The following SUPT3H variants were observed in gnomAD, a reference collection of about 807,000 sequenced individuals.
SUPT3H encodes the protein transcription initiation protein SPT3 homolog.
Under a neutral mutation model 44.3 loss-of-function variants are expected in SUPT3H, and 44 were observed. That is an observed-to-expected ratio of 0.99 (90% CI 0.78 to 1.28). The LOEUF is 1.28. Ranked by LOEUF, SUPT3H falls within the 50% of genes most tolerant of loss-of-function variation. The pLI is 0.00. For synonymous variants in SUPT3H, 124 were observed against 125.6 expected (o/e 0.99, Z 0.09); for missense variants, 380 against 387.1 (o/e 0.98, Z 0.15).
At chr6:44,853,438 T>C (rs1218519774) in intron 10 of SUPT3H, among the ~76,000 whole-genome samples, 3 of 152,104 alleles carry the variant, frequency 2.0e-5, no homozygotes, top group South Asian at 2.1e-4. Flanking sequence ...TGCAGAAGGA[T>C]TGCTTGAGCC....
chr6:44,982,792 CAG>C (rs1197711159), intron 6 of SUPT3H, among the ~76,000 whole-genome samples: 1 of 152,024 alleles, frequency 6.6e-6, no homozygotes, highest in Admixed American at 6.6e-5. Context: ...ACTTTCATAA[CAG>C]AGAATGGAAA....
intron 2 of SUPT3H, among the ~76,000 whole-genome samples, chr6:45,296,230 A>G (rs1209742367): frequency 6.7e-5 from 10 of 148,658 alleles, no homozygotes; most frequent in Non-Finnish European, 1.4e-4. Flanking sequence ...ACACTACTCA[A>G]CCATAAAAAC....
intron 3 of SUPT3H, among the ~76,000 whole-genome samples, chr6:45,100,455 C>G (rs1798391153): frequency 6.8e-6 from 1 of 147,918 alleles, no homozygotes; most frequent in Non-Finnish European, 1.5e-5. Flanking sequence ...CACCTGTAAT[C>G]CCAGCTACTC....
intron 10 of SUPT3H, among the ~76,000 whole-genome samples, chr6:44,896,975 C>T (rs868603921): frequency 2.6e-5 from 4 of 152,138 alleles, no homozygotes; most frequent in Admixed American, 6.6e-5. Flanking sequence ...TCATTTAATG[C>T]TAAATCTATT....
At chr6:45,173,593 G>C (rs981145168) in intron 2 of SUPT3H, among the ~76,000 whole-genome samples, 1 of 152,156 alleles carries the variant, frequency 6.6e-6, no homozygotes, top group African/African-American at 2.4e-5. Context: ...ACTGACATCT[G>C]ACACCTGTAG....
At chr6:44,898,983 G>A (rs1337363912) in intron 10 of SUPT3H, 1 of 152,078 alleles carries the variant, frequency 6.6e-6, no homozygotes, top group Non-Finnish European at 1.5e-5. Context: ...TGAAAACTCT[G>A]CCCCCCTCCC....
intron 6 of SUPT3H, among the ~76,000 whole-genome samples, chr6:44,985,906 T>A: frequency 6.6e-6 from 1 of 152,144 alleles, no homozygotes; most frequent in Non-Finnish European, 1.5e-5. Context: ...AATAACTGAG[T>A]GTCCTTGGCC....
At chr6:44,861,924 A>T (rs1774728716) in intron 10 of SUPT3H, among the ~76,000 whole-genome samples, 1 of 152,200 alleles carries the variant, frequency 6.6e-6, no homozygotes, top group Non-Finnish European at 1.5e-5. Context: ...TTGAAGAACA[A>T]GTTATGTGGC....
intron 3 of SUPT3H, among the ~76,000 whole-genome samples, chr6:45,105,512 A>G (rs1339385180): frequency 1.3e-5 from 2 of 152,182 alleles, no homozygotes; most frequent in Non-Finnish European, 2.9e-5. Flanking sequence ...ACACTATACT[A>G]TAGTCTATTG....
chr6:45,320,890 T>C (rs1785383445), intron 2 of SUPT3H, among the ~76,000 whole-genome samples: 1 of 152,144 alleles, frequency 6.6e-6, no homozygotes, highest in African/African-American at 2.4e-5. Flanking sequence ...AGTACAGTTG[T>C]AGTAGTATAA....
chr6:45,181,869 TAATAAATAAATA>T (rs200711022), intron 2 of SUPT3H, among the ~76,000 whole-genome samples: 3,165 of 147,626 alleles, frequency 0.021, 43 homozygotes, highest in Non-Finnish European at 0.034. Context: ...AGTATAATAA[TAATAAATAAATA>T]AATAAATAAA....
chr6:44,833,851 G>A (rs1363507160), intron 10 of SUPT3H, among the ~76,000 whole-genome samples: 1 of 152,024 alleles, frequency 6.6e-6, no homozygotes, highest in African/African-American at 2.4e-5. Flanking sequence ...CTCAGTTCTT[G>A]CTAAACATCA....
chr6:45,105,072 T>A (rs1799087723), intron 3 of SUPT3H, among the ~76,000 whole-genome samples: 1 of 151,866 alleles, frequency 6.6e-6, no homozygotes, highest in African/African-American at 2.4e-5. Flanking sequence ...TACTAAACCC[T>A]TAGTATAGCA....
At chr6:44,935,338 T>G (rs1364835462) in intron 9 of SUPT3H, among the ~76,000 whole-genome samples, 1 of 152,180 alleles carries the variant, frequency 6.6e-6, no homozygotes, top group East Asian at 1.9e-4. Flanking sequence ...TCAGAAGAAT[T>G]AACATAAAAT....
chr6:45,373,320 T>C (rs747611810), intron 1 of SUPT3H, among the ~76,000 whole-genome samples: 1 of 152,098 alleles, frequency 6.6e-6, no homozygotes, highest in Non-Finnish European at 1.5e-5. Flanking sequence ...GAGGGAGAAC[T>C]ACAGTACAAA....
intron 2 of SUPT3H, among the ~76,000 whole-genome samples, chr6:45,191,837 T>C (rs1562655181): frequency 1.3e-5 from 2 of 152,046 alleles, no homozygotes; most frequent in African/African-American, 4.8e-5. Context: ...GCAGAGAAGA[T>C]ATTATTTACT....
chr6:45,342,169 G>A (rs1789914298), intron 2 of SUPT3H, among the ~76,000 whole-genome samples: 1 of 152,034 alleles, frequency 6.6e-6, no homozygotes, highest in South Asian at 2.1e-4. Flanking sequence ...GAGGAAAATA[G>A]GAAAGGGTTT....
rs1466036755 is a variant in SUPT3H at position 45,229,242 on chromosome 6, C to T, written c.102-123236G>A. ...TTTATTATTGCAGTAACCATTTTTACCAAAATAGCCATTATTTAACTAACT... is the reference window on the plus strand; with the variant it reads ...TTTATTATTGCAGTAACCATTTTTATCAAAATAGCCATTATTTAACTAACT... On this transcript the variant is annotated intron_variant, in intron 2 of 10. Transcript: ENST00000371459. Among the ~76,000 whole-genome samples, 4 of 151,696 alleles carry T rather than the reference C, an allele frequency of 2.6e-5. No homozygotes were observed. In the South Asian group the frequency reaches 8.3e-4, roughly 32 times the overall value.
Position 45,374,843 on chromosome 6 carries a change from C to T in SUPT3H, c.-1+2925G>A, listed in dbSNP as rs1271619062. On this transcript the variant is annotated intron_variant, in intron 1 of 10. Transcript: ENST00000371459. ...ATCAGTGGCTTAAATGGGAAAGTCA[C>T]TTGCTGGCCTTATTCCAGGTATCTT... Among the ~76,000 whole-genome samples the T allele has an allele frequency of 4.6e-5, 7 of 152,222 alleles. No homozygotes were observed. In the South Asian group the frequency reaches 8.3e-4, roughly 18 times the overall value.
Sources: allele counts gnomAD v4.1 joint callset (sites outside exome capture counted in the v4.1 genomes callset), GRCh38; gene constraint gnomAD v4.1.1; transcripts MANE v1.5; gene names NCBI Gene and HGNC (gene_info 2026-07-23, HGNC 2026-07-21).